CRYZL1: variants seen among roughly 807,000 people sequenced by gnomAD.
CRYZL1 encodes ferry endosomal RAB5 effector complex subunit 4.
A neutral mutation model predicts 50.6 loss-of-function variants in CRYZL1; 34 were observed. The observed-to-expected ratio is 0.67, with a 90% confidence interval of 0.51 to 0.89. The LOEUF (loss-of-function observed/expected upper bound fraction) is 0.89, where lower values mean the gene tolerates loss of function less well. Ranked by LOEUF, CRYZL1 falls within the 40% of genes least tolerant of loss-of-function variation. The pLI, the probability that CRYZL1 is intolerant of heterozygous loss-of-function variation, is 0.00. For synonymous variants in CRYZL1, 125 were observed against 134.3 expected (o/e 0.93, Z 0.48); for missense variants, 354 against 402.3 (o/e 0.88, Z 1.03).
At chr21:33,632,173 A>T (rs1185660661) in intron 1 of CRYZL1, among the ~76,000 whole-genome samples, 1 of 150,750 alleles carries the variant, frequency 6.6e-6, no homozygotes, top group Non-Finnish European at 1.5e-5. Context: ...AAAAAAAAAA[A>T]AAAAAAAAAT....
chr21:33,631,594 A>G (rs2087138098), intron 1 of CRYZL1, 37 bp from the exon 2 acceptor site: 2 of 1,323,724 alleles, frequency 1.5e-6, no homozygotes, highest in Non-Finnish European at 2.0e-6. Flanking sequence ...TAAAATAACA[A>G]GTCTTCCAGA....
rs1403970392 is a variant in CRYZL1, at chr21:33,589,632, G to C, written c.*190C>G. 1.8e-6 allele frequency: 1 copy of C among 567,988 alleles called. No homozygotes were observed. The highest frequency in any genetic ancestry group is 3.2e-6 in the Non-Finnish European group (1 of 314,380). 35.2% of individuals were successfully genotyped at this position (567,988 alleles called of 1,614,324 possible). A position where few individuals can be genotyped will look rare whatever the true frequency, so the allele number is the denominator to read the frequency against. ...AAGATGTTAATTATAGAATTATCTTGATCATTTGCACAAGAATTTTTCAAA... is the reference window on the plus strand; with the variant it reads ...AAGATGTTAATTATAGAATTATCTTCATCATTTGCACAAGAATTTTTCAAA... On this transcript the variant is annotated 3_prime_UTR_variant, in exon 13 of 13. Transcript: ENST00000381554.
At chr21:33,624,091 TAAAGG>T (rs911663069) in intron 3 of CRYZL1, among the ~76,000 whole-genome samples, 4 of 152,268 alleles carry the variant, frequency 2.6e-5, no homozygotes, top group South Asian at 2.1e-4. Flanking sequence ...TTTTGCAATG[TAAAGG>T]AGTTTATAAA....
intron 4 of CRYZL1, among the ~76,000 whole-genome samples, chr21:33,621,196 C>T (rs1222204332): frequency 7.9e-5 from 12 of 151,042 alleles, no homozygotes; most frequent in Non-Finnish European, 1.3e-4. Context: ...TGAGCCACCG[C>T]GCCCGGCCGG....
chr21:33,613,674 T>A, intron 5 of CRYZL1, 68 bp from the exon 6 acceptor site: 1 of 1,103,740 alleles, frequency 9.1e-7, no homozygotes, highest in Non-Finnish European at 1.4e-6. Context: ...AGGCCAGTAT[T>A]ATTACAAATT....
At chr21:33,614,230 A>T (rs1301059739) in intron 5 of CRYZL1, among the ~76,000 whole-genome samples, 1 of 151,746 alleles carries the variant, frequency 6.6e-6, no homozygotes, top group Non-Finnish European at 1.5e-5. Context: ...TCACACTTGT[A>T]ATCCAACACT....
chr21:33,600,941 T>TTTTTC (rs1555904282), intron 8 of CRYZL1, among the ~76,000 whole-genome samples: 1 of 109,380 alleles, frequency 9.1e-6, no homozygotes, highest in Non-Finnish European at 1.8e-5. Flanking sequence ...AAGTTTTTTT[T>TTTTTC]TTTTTTTTTT....
chr21:33,608,837 C>T (rs2086840608), intron 6 of CRYZL1, among the ~76,000 whole-genome samples: 1 of 152,172 alleles, frequency 6.6e-6, no homozygotes, highest in South Asian at 2.1e-4. Flanking sequence ...GAGTGCAAGA[C>T]ATCTGATTTC....
intron 4 of CRYZL1, among the ~76,000 whole-genome samples, chr21:33,619,457 C>T (rs1320071166): frequency 6.6e-6 from 1 of 152,248 alleles, no homozygotes; most frequent in African/African-American, 2.4e-5. Context: ...CCTTGCCTAT[C>T]CTCCTGCTTC....
intron 1 of CRYZL1, among the ~76,000 whole-genome samples, chr21:33,638,940 C>G (rs929073570): frequency 6.6e-6 from 1 of 152,160 alleles, no homozygotes; most frequent in African/African-American, 2.4e-5. Context: ...CCATTTAGTT[C>G]TCTTCTAATT....
chr21:33,599,047 G>T, intron 9 of CRYZL1, 103 bp downstream of exon 9: 2 of 966,548 alleles, frequency 2.1e-6, no homozygotes, highest in Non-Finnish European at 3.1e-6. Context: ...CTGAACATCT[G>T]GTTTAATAAG....
chr21:33,604,654 C>G (rs1184107764), intron 6 of CRYZL1, among the ~76,000 whole-genome samples: 1 of 152,092 alleles, frequency 6.6e-6, no homozygotes, highest in Non-Finnish European at 1.5e-5. Flanking sequence ...GGCATCCATT[C>G]TGTGGATGAG....
In CRYZL1 at chr21:33,605,530, C is replaced by CTTTTTTTTT. The variant is rs146096008; in HGVS notation, c.332-2002_332-1994dup. ...GTAATTTTTCCGCAGTACAAGAATT[C>CTTTTTTTTT]TTTTTTTTTTGAGATGGAGTCTCAC... On this transcript the variant is annotated intron_variant, in intron 6 of 12. Transcript: ENST00000381554. Among the ~76,000 whole-genome samples the CTTTTTTTTT allele has an allele frequency of 5.1e-4, 27 of 53,198 alleles. 8 individuals are homozygous for CTTTTTTTTT. Among genetic ancestry groups the CTTTTTTTTT allele is most frequent in the South Asian group, 2.7e-3 (3 of 1,098 alleles). The allele number at this position is 53,198 out of a possible 152,430, so 34.9% of individuals were successfully genotyped here. A position where few individuals can be genotyped will look rare whatever the true frequency, so the allele number is the denominator to read the frequency against.
At chr21:33,641,414 T>TACTTTTATGGAGGCAGAGGTCTG in intron 1 of CRYZL1, 1 of 1,339,830 alleles carries the variant, frequency 7.5e-7, no homozygotes, top group Non-Finnish European at 9.9e-7. Context: ...CCCAGACCTC[T>TACTTTTATGGAGGCAGAGGTCTG]GCCTCCATAA....
At chr21:33,609,870 T>C (rs1422452669) in intron 6 of CRYZL1, among the ~76,000 whole-genome samples, 1 of 151,696 alleles carries the variant, frequency 6.6e-6, no homozygotes, top group South Asian at 2.1e-4. Context: ...GCCCGGCTAA[T>C]TTTTTTGTAT....
intron 12 of CRYZL1, among the ~76,000 whole-genome samples, chr21:33,590,921 C>T (rs951047451): frequency 6.6e-6 from 1 of 152,208 alleles, no homozygotes; most frequent in African/African-American, 2.4e-5. Context: ...CCACCAGATA[C>T]ACTTTGATAA....
Position 33,595,468 on chromosome 21 carries a change from G to C in CRYZL1, c.904+263C>G, listed in dbSNP as rs751657679. ...GAGAGACTGCCTGAGTGTGATTCTTGCTCCGCCACTTGCTGCGTCCTTGAG... is the reference window on the plus strand; with the variant it reads ...GAGAGACTGCCTGAGTGTGATTCTTCCTCCGCCACTTGCTGCGTCCTTGAG... On this transcript the variant is annotated intron_variant, in intron 11 of 12. Coordinates refer to ENST00000381554, the MANE Select transcript of CRYZL1 (RefSeq NM_145858.3). The C allele has an allele frequency of 6.6e-6, 9 of 1,358,436 alleles. No homozygotes were observed. The African/African-American group carries it at 1.0e-4, about 15-fold the overall frequency. The allele number at this position is 1,358,436 out of a possible 1,614,324, so 84.1% of individuals were successfully genotyped here.
At chr21:33,598,680 C>T (rs994032312) in intron 9 of CRYZL1, among the ~76,000 whole-genome samples, 6 of 152,112 alleles carry the variant, frequency 3.9e-5, no homozygotes, top group African/African-American at 9.7e-5. Flanking sequence ...TTTCTTGTAG[C>T]GATATGTCAT....
chr21:33,641,199 G>A, intron 1 of CRYZL1: 1 of 1,550,470 alleles, frequency 6.4e-7, no homozygotes, highest in Non-Finnish European at 8.7e-7. Flanking sequence ...AGATGATTCC[G>A]CCGTTTAGCA....
Sources: gnomAD v4.1 joint callset for allele counts (sites outside exome capture counted in the v4.1 genomes callset) on GRCh38, gnomAD v4.1.1 for gene constraint, MANE v1.5 for transcripts, NCBI Gene and HGNC (gene_info 2026-07-23, HGNC 2026-07-21) for gene names.